EPG5: variants seen among roughly 807,000 people sequenced by gnomAD.
EPG5 encodes the protein ectopic P-granules 5 autophagy tethering factor.
Under a neutral mutation model 302.7 loss-of-function variants are expected in EPG5, and 159 were observed. That is an observed-to-expected ratio of 0.53 (90% confidence interval 0.46 to 0.60). EPG5 has a LOEUF of 0.60. Ranked by LOEUF, EPG5 falls within the 20% of genes least tolerant of loss-of-function variation. EPG5 has a pLI of 0.00. For synonymous variants in EPG5, 1,158 were observed against 1,136.8 expected (o/e 1.02, Z -0.37); for missense variants, 2,896 against 3,092.4 (o/e 0.94, Z 1.51).
Position 45,884,736 on chromosome 18 carries a change from G to A in EPG5, c.5185C>T (p.Leu1729=). ...TTGGGAGTGAAGAAAGGAGACAGCA[G>A]GGAGCAGAGCCTGCTGTTCTTCAGA... ...TILKNSRLCS[L]LSPFFTPNAA... is the part of the protein sequence containing the mutation. The change falls in exon 30 of 44, where the codon CTG becomes TTG. Residue 1729 remains leucine (L), a synonymous_variant. Coordinates refer to ENST00000282041, the MANE Select transcript of EPG5 (RefSeq NM_020964.3). 1 of 1,610,334 alleles carries A rather than the reference G, an allele frequency of 6.2e-7. No individual in the cohort carries two copies. The highest frequency in any genetic ancestry group is 8.5e-7 in the Non-Finnish European group (1 of 1,178,612).
intron 10 of EPG5, among the ~76,000 whole-genome samples, chr18:45,936,832 G>A (rs927532980): frequency 3.4e-5 from 5 of 147,154 alleles, no homozygotes; most frequent in Non-Finnish European, 7.4e-5. Context: ...AGCTGTTGCC[G>A]TATTTGAGAA....
At chr18:45,816,579 T>C in the EPG5 span, among the ~76,000 whole-genome samples, 1 of 152,210 alleles carries the variant, frequency 6.6e-6, no homozygotes, top group East Asian at 1.9e-4. Flanking sequence ...CATAATGCGA[T>C]ACCACTTACA....
intron 25 of EPG5, among the ~76,000 whole-genome samples, chr18:45,902,967 G>T (rs145258465): frequency 7.2e-5 from 11 of 152,280 alleles, no homozygotes; most frequent in African/African-American, 2.2e-4. Flanking sequence ...GACAGTGCTC[G>T]GAACAAACGA....
At position 45,939,742 on chromosome 18, in the gene EPG5, A is replaced by G. The variant is rs1400151325; in HGVS notation, c.1957T>C (p.Tyr653His). The G allele has an allele frequency of 1.2e-6, 2 of 1,613,694 alleles. No individual in the cohort carries two copies. Among genetic ancestry groups the G allele is most frequent in the Admixed American group, 3.3e-5 (2 of 59,988 alleles). ...TACTGTGCCCAATGGTCACTTACAT[A>G]ACCAAGAGTCATCCTGAGCATGAGG... ...IGYMIRMTLG[Y>H]VSDHWAQYVS... is the part of the protein sequence containing the mutation. The change falls in exon 10 of 44, where the codon TAT (tyrosine) becomes CAT (histidine). Residue 653 changes from tyrosine (Y) to histidine (H), a missense_variant. Around this residue, in one of 5 missense-constraint regions of EPG5, gnomAD observed 1,390 missense variants for 1,430.0 expected, o/e 0.97. Transcript: ENST00000282041.
intron 26 of EPG5, 131 bp from the exon 27 acceptor site, chr18:45,899,697 C>G (rs2049561995): frequency 1.1e-6 from 1 of 909,810 alleles, no homozygotes; most frequent in Non-Finnish European, 1.6e-6. Context: ...AACAGAGGAC[C>G]AAAGGTTGTG....
the EPG5 span, among the ~76,000 whole-genome samples, chr18:45,811,732 A>T: frequency 2.6e-5 from 4 of 152,042 alleles, no homozygotes; most frequent in African/African-American, 9.7e-5. Context: ...CATGCTAAAA[A>T]CTCTCAATAA....
intron 34 of EPG5, among the ~76,000 whole-genome samples, chr18:45,876,775 G>A (rs1040827679): frequency 4.0e-5 from 6 of 151,176 alleles, no homozygotes; most frequent in Non-Finnish European, 2.9e-5. Flanking sequence ...AATAGAAAAT[G>A]AGCAAATAAA....
At position 45,858,604 on chromosome 18, in the gene EPG5, C is replaced by G. The variant is rs2048566103; in HGVS notation, c.7188G>C (p.Leu2396=). The part of the protein sequence containing the change: ...EQTLRNEMKV[L]LILSKWLEQV... Reference sequence around the variant, plus strand: ...GTTCCAGCCACTTGCTTAAGATGAGCAGCACTTTCATTTCATTCCTTAAAG... The same window carrying G: ...GTTCCAGCCACTTGCTTAAGATGAGGAGCACTTTCATTTCATTCCTTAAAG... Residue 2396 remains leucine, a synonymous_variant, in exon 41 of 44, where the codon CTG becomes CTC. Coordinates refer to ENST00000282041, the MANE Select transcript of EPG5 (RefSeq NM_020964.3). 6.2e-7 allele frequency: 1 copy of G among 1,614,084 alleles called. No individual in the cohort carries two copies. The highest frequency in any genetic ancestry group is 1.3e-5 in the African/African-American group (1 of 74,944).
rs2050265961 is a variant in EPG5, at chr18:45,926,283, A to T, written c.2554-381T>A. On this transcript the variant is annotated intron_variant, in intron 13 of 43. Coordinates refer to ENST00000282041, the MANE Select transcript of EPG5 (RefSeq NM_020964.3). ...TATTCATTCTATGGCATTTAGAAAG[A>T]TACTCTATTGGCTTCCAAGCCATCC... Among the ~76,000 whole-genome samples the T allele has an allele frequency of 5.3e-5, 8 of 152,226 alleles. No individual in the cohort carries two copies. The South Asian group carries it at 1.7e-3, about 32-fold the overall frequency.
chr18:45,856,663 C>T (rs749062038), intron 42 of EPG5, among the ~76,000 whole-genome samples: 13 of 152,180 alleles, frequency 8.5e-5, no homozygotes, highest in Non-Finnish European at 1.9e-4. Context: ...AAAAACATGA[C>T]GTTAACTGGT....
the EPG5 span, chr18:45,840,312 CAGG>C: frequency 2.0e-6 from 3 of 1,513,588 alleles, no homozygotes; most frequent in Middle Eastern, 1.7e-4. Context: ...GGGGTCCAGG[CAGG>C]AGAAGGAATA....
Position 45,860,345 on chromosome 18 carries a change from G to A in EPG5, c.6768C>T (p.Asp2256=), listed in dbSNP as rs780474089. 8 of 1,614,212 alleles carry A rather than the reference G, an allele frequency of 5.0e-6. No individual in the cohort carries two copies. The highest frequency in any genetic ancestry group is 6.8e-6 in the Non-Finnish European group (8 of 1,180,034). Residue 2256 remains aspartate, a splice_region_variant and synonymous_variant, in exon 40 of 44, where the codon GAC becomes GAT. Transcript: ENST00000282041. The stretch of plus-strand genomic sequence containing the variant: ...CCATGTGGCGGGTCTGGCTGTCCAT[G>A]TCTGAAAGGAATATAGACACACTCA... The part of the protein sequence containing the change: ...LDDIIVFNPP[D]MDSQTRHMAL...
At chr18:45,817,312 GTCTC>G in the EPG5 span, among the ~76,000 whole-genome samples, 17 of 152,218 alleles carry the variant, frequency 1.1e-4, no homozygotes, top group African/African-American at 3.4e-4. Context: ...AAATAAAAAT[GTCTC>G]TCTTTCCTTT....
At chr18:45,864,742 T>C (rs1166330504) in intron 39 of EPG5, among the ~76,000 whole-genome samples, 1 of 152,214 alleles carries the variant, frequency 6.6e-6, no homozygotes, top group African/African-American at 2.4e-5. Context: ...TAGATTGAGG[T>C]TGTTGTTATT....
rs2048396017 is a variant in EPG5 at position 45,849,406 on chromosome 18, G to A, written c.*3061C>T. Reference sequence around the variant, plus strand: ...GCAGGAGGATCCCTGCAGAGTGAGAGGGGCACTAGATGAACGTGAATGACC... The same window carrying A: ...GCAGGAGGATCCCTGCAGAGTGAGAAGGGCACTAGATGAACGTGAATGACC... On this transcript the variant is annotated 3_prime_UTR_variant, in exon 44 of 44. Transcript: ENST00000282041. 1 of 152,272 alleles carries A rather than the reference G, an allele frequency of 6.6e-6. No individual in the cohort carries two copies. The highest frequency in any genetic ancestry group is 1.5e-5 in the Non-Finnish European group (1 of 68,094). The allele number at this position is 152,272 out of a possible 1,614,324, so 9.4% of individuals were successfully genotyped here.
chr18:45,943,449 T>C (rs1356245834), intron 8 of EPG5, 138 bp from the exon 9 acceptor site: 6 of 693,518 alleles, frequency 8.7e-6, no homozygotes, highest in Non-Finnish European at 1.4e-5. Context: ...CTGGCTCCCA[T>C]ATCAACATGA....
At chr18:45,861,424 T>C (rs887036692) in intron 39 of EPG5, among the ~76,000 whole-genome samples, 1 of 152,222 alleles carries the variant, frequency 6.6e-6, no homozygotes, top group Admixed American at 6.5e-5. Context: ...TCTCTCCCAT[T>C]CCTGTTCATA....
chr18:45,936,895 A>T (rs2145860511), intron 10 of EPG5, among the ~76,000 whole-genome samples: 1 of 152,200 alleles, frequency 6.6e-6, no homozygotes, highest in Non-Finnish European at 1.5e-5. Context: ...AATAAACCAA[A>T]TTTAAGAAAA....
At chr18:45,879,672 A>C (rs1317506028) in intron 32 of EPG5, among the ~76,000 whole-genome samples, 1 of 152,222 alleles carries the variant, frequency 6.6e-6, no homozygotes, top group African/African-American at 2.4e-5. Context: ...CCAGGCCATC[A>C]GTGGGTTTCA....
Sources: gnomAD v4.1 joint callset for allele counts (sites outside exome capture counted in the v4.1 genomes callset) on GRCh38, gnomAD v4.1.1 for gene constraint, gnomAD v4.1.1 regional missense constraint, MANE v1.5 for transcripts, NCBI Gene and HGNC (gene_info 2026-07-23, HGNC 2026-07-21) for gene names.